ANAPC5: variants seen among roughly 807,000 people sequenced by gnomAD.
ANAPC5 encodes the protein anaphase promoting complex subunit 5.
A neutral mutation model predicts 91.3 loss-of-function variants in ANAPC5; 60 were observed. The ratio of observed to expected loss-of-function variants is 0.66; its 90% confidence interval spans 0.53 to 0.81. ANAPC5 has a LOEUF of 0.81. Among genes scored for constraint, ANAPC5 ranks in the 40% least tolerant of loss-of-function variants. ANAPC5 has a pLI of 0.00. For missense variants in ANAPC5, 690 were observed against 931.5 expected, an observed-to-expected ratio of 0.74 and a Z score of 3.37; for synonymous variants, 340 against 364.1, an observed-to-expected ratio of 0.93 and a Z score of 0.75.
In ANAPC5 at chr12:121,335,536, T is replaced by C. The variant is rs1903197105; in HGVS notation, c.947A>G (p.His316Arg). Reference protein sequence around the residue: ...NLAALHCRFGHYQQAELALQE... With the variant: ...NLAALHCRFGRYQQAELALQE... ...GGACAAAGGTCTATAAACTTACTAG[T>C]GACCGAAGCGGCAGTGCAGGGCGGC... Residue 316 changes from histidine to arginine, a missense_variant, in exon 7 of 17, where the codon CAC becomes CGC. His to Arg is a conservative substitution (Grantham distance 29, BLOSUM62 0). This residue lies in a region of ANAPC5 where 83 missense variants were observed against 150.8 expected (regional missense o/e 0.55). Coordinates refer to ENST00000261819, the MANE Select transcript of ANAPC5 (RefSeq NM_016237.5). 1 of 1,598,864 alleles carries C rather than the reference T, an allele frequency of 6.3e-7. No individual in the cohort carries two copies. Among genetic ancestry groups the C allele is most frequent in the Admixed American group, 1.7e-5 (1 of 58,276 alleles).
chr12:121,342,540 TA>T lies in ANAPC5; in HGVS notation c.591-472del, dbSNP rs539448052. Reference sequence around the variant, plus strand: ...AAAAAATAAATAATACATTTTTAAATAAAAAAAATTAAAAACTCTTAGAAGA... The same window carrying T: ...AAAAAATAAATAATACATTTTTAAATAAAAAAATTAAAAACTCTTAGAAGA... On this transcript the variant is annotated intron_variant, in intron 4 of 16. Coordinates refer to ENST00000261819, the MANE Select transcript of ANAPC5 (RefSeq NM_016237.5). This position sits in a 1 kb window ranked among gnomAD's most constrained non-coding sequence, Gnocchi z 4.1. Among the ~76,000 whole-genome samples, 4 of 151,972 alleles carry T rather than the reference TA, an allele frequency of 2.6e-5. No homozygotes were observed. Among genetic ancestry groups the T allele is most frequent in the Non-Finnish European group, 5.9e-5 (4 of 67,998 alleles).
chr12:121,322,649 T>A (rs1593583069), intron 11 of ANAPC5, among the ~76,000 whole-genome samples: 1 of 139,674 alleles, frequency 7.2e-6, no homozygotes, highest in Non-Finnish European at 1.7e-5. Flanking sequence ...TTTCTAATAT[T>A]TTCCATTTAA....
chr12:121,326,102 A>G lies in ANAPC5; in HGVS notation c.1440+994T>C, dbSNP rs375108672. 1.8e-3 allele frequency among the ~76,000 whole-genome samples: 275 copies of G among 152,334 alleles called. 2 individuals are homozygous for G. Among genetic ancestry groups the G allele is most frequent in the African/African-American group, 5.8e-3 (243 of 41,576 alleles). ...AGACATGGGAAGAAACCAGCTGGCA[A>G]AGGCGCCGTGGAACCCATCAGTCAG... On this transcript the variant is annotated intron_variant, in intron 11 of 16. Transcript: ENST00000261819.
intron 15 of ANAPC5, among the ~76,000 whole-genome samples, chr12:121,314,491 A>C (rs932187169): frequency 3.9e-5 from 6 of 152,170 alleles, no homozygotes; most frequent in South Asian, 2.1e-4. Context: ...ATACCTTTTC[A>C]TGAAAAAAAC....
At chr12:121,320,039 C>CA (rs1333262007) in intron 12 of ANAPC5, among the ~76,000 whole-genome samples, 3 of 152,182 alleles carry the variant, frequency 2.0e-5, no homozygotes, top group African/African-American at 7.2e-5. Flanking sequence ...TTTGTCAACT[C>CA]ACATTTTGCT....
intron 11 of ANAPC5, among the ~76,000 whole-genome samples, chr12:121,325,794 G>C (rs1347232366): frequency 2.6e-5 from 4 of 152,216 alleles, no homozygotes; most frequent in African/African-American, 9.6e-5. Context: ...TTGAACCCCA[G>C]AGGCAGAGGT....
chr12:121,308,741 A>G (rs374669386), intron 16 of ANAPC5, 50 bp from the exon 17 acceptor site: 45 of 1,423,776 alleles, frequency 3.2e-5, no homozygotes, highest in Admixed American at 6.7e-5. Context: ...CCCTTCACGT[A>G]TAGTTTTCAA....
At chr12:121,344,360 CCT>C (rs1473695349) in intron 4 of ANAPC5, among the ~76,000 whole-genome samples, 1 of 152,112 alleles carries the variant, frequency 6.6e-6, no homozygotes, top group Non-Finnish European at 1.5e-5. Context: ...GGGTGGATCA[CCT>C]GAGGTCAGGA....
In ANAPC5 at chr12:121,342,863, G is replaced by T. The variant is rs1010579343; in HGVS notation, c.591-794C>A. ...GCAGAGCGAGACTTCATCTCAAAAA[G>T]AAAAGATCACAAAAAGAAAACAATT... On this transcript the variant is annotated intron_variant, in intron 4 of 16. Transcript: ENST00000261819. This position sits in a 1 kb window ranked among gnomAD's most constrained non-coding sequence, Gnocchi z 4.1. Among the ~76,000 whole-genome samples the T allele has an allele frequency of 6.6e-6, 1 of 151,824 alleles. No individual in the cohort carries two copies. Among genetic ancestry groups the T allele is most frequent in the African/African-American group, 2.4e-5 (1 of 41,346 alleles).
At chr12:121,332,075 T>C (rs1555272982) in intron 7 of ANAPC5, 1 of 152,194 alleles carries the variant, frequency 6.6e-6, no homozygotes, top group African/African-American at 2.4e-5. Flanking sequence ...CCTCAGGCGA[T>C]CCTCCTGCCT....
chr12:121,317,562 T>C (rs1309244646), intron 15 of ANAPC5, among the ~76,000 whole-genome samples: 1 of 151,946 alleles, frequency 6.6e-6, no homozygotes, highest in Non-Finnish European at 1.5e-5. Flanking sequence ...ATGTACATTT[T>C]ATCTCAAGAA....
intron 5 of ANAPC5, among the ~76,000 whole-genome samples, chr12:121,338,503 C>T (rs1348020170): frequency 1.3e-5 from 2 of 152,054 alleles, no homozygotes; most frequent in Non-Finnish European, 2.9e-5. Context: ...GCAGGAGAAT[C>T]ACTTGAACTC....
chr12:121,346,705 C>T (rs1244313003), intron 3 of ANAPC5, 191 bp downstream of exon 3: 9 of 428,168 alleles, frequency 2.1e-5, no homozygotes, highest in African/African-American at 1.2e-4. Context: ...GTAGACAAAA[C>T]AGAAGGTGCT....
At chr12:121,327,031 T>G in intron 11 of ANAPC5, 65 bp downstream of exon 11, 2 of 1,510,368 alleles carry the variant, frequency 1.3e-6, no homozygotes, top group Admixed American at 2.1e-5. Context: ...TCCTCAAGCA[T>G]TAGAGGAAAG....
At chr12:121,322,383 T>G (rs749530912) in intron 11 of ANAPC5, among the ~76,000 whole-genome samples, 2 of 152,104 alleles carry the variant, frequency 1.3e-5, no homozygotes, top group Non-Finnish European at 2.9e-5. Flanking sequence ...GGTCTCCAAC[T>G]CCTGACCTCA....
chr12:121,308,374 A>T lies in ANAPC5; in HGVS notation c.*106T>A. ...AGACAAACTAATCAGAATGCTGTTT[A>T]TTGACAAGATAGGGTGTCACAAATA... On this transcript the variant is annotated 3_prime_UTR_variant, in exon 17 of 17. Transcript: ENST00000261819. The T allele has an allele frequency of 1.2e-6, 1 of 848,372 alleles. No homozygotes were observed. Among genetic ancestry groups the T allele is most frequent in the Non-Finnish European group, 1.9e-6 (1 of 534,776 alleles). 52.6% of individuals were successfully genotyped at this position (848,372 alleles called of 1,614,324 possible). A position where few individuals can be genotyped will look rare whatever the true frequency, so the allele number is the denominator to read the frequency against.
chr12:121,333,868 TA>T (rs1903132677), intron 7 of ANAPC5: 1 of 152,184 alleles, frequency 6.6e-6, no homozygotes, highest in Admixed American at 6.5e-5. Flanking sequence ...TTTTCCAGGC[TA>T]AACATGTCTC....
intron 1 of ANAPC5, among the ~76,000 whole-genome samples, chr12:121,348,269 A>T (rs575309411): frequency 8.5e-5 from 13 of 152,232 alleles, no homozygotes; most frequent in Non-Finnish European, 1.8e-4. Flanking sequence ...TGTAAACTGG[A>T]AAACACTATA....
chr12:121,315,355 A>G (rs186176181), intron 15 of ANAPC5, among the ~76,000 whole-genome samples: 1 of 152,336 alleles, frequency 6.6e-6, no homozygotes, highest in African/African-American at 2.4e-5. Context: ...TAAGATGGCA[A>G]TGTTCTCCAA....
Sources: allele counts gnomAD v4.1 joint callset (sites outside exome capture counted in the v4.1 genomes callset), GRCh38; gene constraint gnomAD v4.1.1; regional missense constraint gnomAD v4.1.1; non-coding constraint Gnocchi (gnomAD v3.1); transcripts MANE v1.5; gene names NCBI Gene and HGNC (gene_info 2026-07-23, HGNC 2026-07-21).